Variants in GTF2H2C observed in about 807,000 individuals in gnomAD.
GTF2H2C encodes the protein general transcription factor IIH subunit 2-like protein.
In GTF2H2C, 5 loss-of-function variants were observed where a neutral mutation model predicts 24.8. The observed-to-expected ratio is 0.20, with a 90% CI of 0.11 to 0.42. GTF2H2C has a LOEUF of 0.42. GTF2H2C is among the 20% of genes least tolerant of loss of function. The probability of loss-of-function intolerance (pLI) is 1.00; values close to 1 mark genes in which losing one functional copy is unlikely to be tolerated. For synonymous variants in GTF2H2C, 14 were observed against 52.6 expected, an observed-to-expected ratio of 0.27 and a Z score of 3.18; for missense variants, 45 against 169.8, an observed-to-expected ratio of 0.27 and a Z score of 4.08.
In GTF2H2C at chr5:69,580,813, CTG is replaced by C. The variant is rs551145669; in HGVS notation, c.757+952_757+953del. On this transcript the variant is annotated intron_variant, in intron 12 of 16. Coordinates refer to ENST00000380729, the MANE Select transcript of GTF2H2C (RefSeq NM_001376000.2). ...GATGATCAAAGCTGTGTAATACAAA[CTG>C]TGCAAAGACAAAGCTTGCAGGGAAG... Among the ~76,000 whole-genome samples the C allele has an allele frequency of 4.3e-3, 644 of 148,522 alleles. 18 individuals carry two copies. Among genetic ancestry groups the C allele is most frequent in the Non-Finnish European group, 7.9e-3 (532 of 67,488 alleles).
At position 69,594,659 on chromosome 5, in the gene GTF2H2C, T is replaced by C. The variant is rs1212872318; in HGVS notation, c.*2461T>C. The C allele has an allele frequency of 1.8e-5, 2 of 112,960 alleles. No individual in the cohort carries two copies. Among genetic ancestry groups the C allele is most frequent in the African/African-American group, 6.2e-5 (2 of 32,508 alleles). 7.0% of individuals were successfully genotyped at this position (112,960 alleles called of 1,614,324 possible). ...GATGCCTTTAATACTCAGAGCATTC[T>C]ATCTCCCCCTATCTGGTTTAGAAGG... is the stretch of plus-strand genomic sequence containing the variant. On this transcript the variant is annotated 3_prime_UTR_variant, in exon 17 of 17. Transcript: ENST00000380729.
intron 9 of GTF2H2C, among the ~76,000 whole-genome samples, chr5:69,575,205 TACAG>T (rs1240326681): frequency 3.5e-5 from 1 of 28,464 alleles, no homozygotes; most frequent in Admixed American, 3.9e-4. Flanking sequence ...TTATTGCTGA[TACAG>T]ACAAAGTTTT....
intron 9 of GTF2H2C, among the ~76,000 whole-genome samples, chr5:69,573,257 C>A (rs1276547023): frequency 3.0e-5 from 4 of 132,800 alleles, no homozygotes; most frequent in Admixed American, 2.3e-4. Context: ...GTGATCTCAG[C>A]TCACTACAAC....
At chr5:69,580,871 AT>A (rs1481814186) in intron 12 of GTF2H2C, among the ~76,000 whole-genome samples, 1 of 142,574 alleles carries the variant, frequency 7.0e-6, no homozygotes, top group Non-Finnish European at 1.5e-5. Flanking sequence ...AGGGGAAATT[AT>A]TGGTTTTGGA....
rs901818916 is a variant in GTF2H2C at position 69,560,244 on chromosome 5, T to A, written c.-291T>A. The stretch of plus-strand genomic sequence containing the variant: ...CTGAGAGTCCTTCTAGCGGCGCCGG[T>A]GAGTCCGCGTGTGGAAGTCTGTGAG... On this transcript the variant is annotated 5_prime_UTR_variant, in exon 1 of 17. Coordinates refer to ENST00000380729, the MANE Select transcript of GTF2H2C (RefSeq NM_001376000.2). 6.6e-6 allele frequency: 1 copy of A among 152,184 alleles called. No homozygotes were observed. Among genetic ancestry groups the A allele is most frequent in the Admixed American group, 6.6e-5 (1 of 15,248 alleles). The allele number at this position is 152,184 out of a possible 1,614,324, so 9.4% of individuals were successfully genotyped here.
Position 69,572,511 on chromosome 5 carries a change from C to T in GTF2H2C, c.431C>T (p.Ser144Phe), listed in dbSNP as rs200619279. The T allele has an allele frequency of 4.3e-4, 677 of 1,565,924 alleles. No homozygotes were observed. Among genetic ancestry groups the T allele is most frequent in the Admixed American group, 9.6e-4 (53 of 55,058 alleles). ...GATATGACCTGCCATGGAGAGCCAT[C>T]TCTTTATAATTCCCTAAGCATGGCT... is the stretch of plus-strand genomic sequence containing the variant. ...AVDMTCHGEP[S>F]LYNSLSMAMQ... The change falls in exon 9 of 17, where the codon TCT becomes TTT. Residue 144 changes from serine (S) to phenylalanine (F), a missense_variant. Coordinates refer to ENST00000380729, the MANE Select transcript of GTF2H2C (RefSeq NM_001376000.2).
intron 2 of GTF2H2C, among the ~76,000 whole-genome samples, chr5:69,563,841 C>T (rs1320376271): frequency 1.3e-5 from 2 of 151,860 alleles, no homozygotes; most frequent in African/African-American, 2.4e-5. Flanking sequence ...GGCACGATCT[C>T]GGCTCACTGC....
chr5:69,561,800 G>A (rs565739136), intron 1 of GTF2H2C, among the ~76,000 whole-genome samples: 1 of 150,482 alleles, frequency 6.6e-6, no homozygotes, highest in African/African-American at 2.4e-5. Context: ...TCGCCACCTC[G>A]CCCAGCTAAT....
At chr5:69,589,918 C>T (rs1277022852) in intron 15 of GTF2H2C, among the ~76,000 whole-genome samples, 1 of 91,408 alleles carries the variant, frequency 1.1e-5, no homozygotes, top group Non-Finnish European at 2.0e-5. Context: ...GAGTTTTGCT[C>T]CCGTTGCTCA....
Position 69,594,565 on chromosome 5 carries a change from A to G in GTF2H2C, c.*2367A>G, listed in dbSNP as rs2112282325. 1 of 136,036 alleles carries G rather than the reference A, an allele frequency of 7.4e-6. No individual in the cohort carries two copies. The highest frequency in any genetic ancestry group is 2.6e-5 in the African/African-American group (1 of 38,404). 8.4% of individuals were successfully genotyped at this position (136,036 alleles called of 1,614,324 possible). A position where few individuals can be genotyped will look rare whatever the true frequency, so the allele number is the denominator to read the frequency against. ...CTTTATGTGGAAACAAATTTCACCT[A>G]TAGGTAACCTGGTAACTGCTATTTT... On this transcript the variant is annotated 3_prime_UTR_variant, in exon 17 of 17. Transcript: ENST00000380729.
rs1771655173 is a variant in GTF2H2C at position 69,582,350 on chromosome 5, AT to A, written c.758-12del. ...TTTGCTTGGAAAAAGAAAGTAATACATTTTCTTCTATGAAGGATTTCCTCAG... is the reference window on the plus strand; with the variant it reads ...TTTGCTTGGAAAAAGAAAGTAATACATTTCTTCTATGAAGGATTTCCTCAG... On this transcript the variant is annotated splice_polypyrimidine_tract_variant and intron_variant, in intron 12 of 16. Coordinates refer to ENST00000380729, the MANE Select transcript of GTF2H2C (RefSeq NM_001376000.2). 1.8e-6 allele frequency: 1 copy of A among 550,424 alleles called. No individual in the cohort carries two copies. Among genetic ancestry groups the A allele is most frequent in the Non-Finnish European group, 3.3e-6 (1 of 301,866 alleles). The allele number at this position is 550,424 out of a possible 1,614,324, so 34.1% of individuals were successfully genotyped here.
At position 69,590,316 on chromosome 5, in the gene GTF2H2C, CT is replaced by C. The variant is rs1357168034; in HGVS notation, c.1029-4del. 2.8e-5 allele frequency: 5 copies of C among 179,496 alleles called. No homozygotes were observed. Among genetic ancestry groups the C allele is most frequent in the African/African-American group, 5.3e-5 (1 of 19,012 alleles). The allele number at this position is 179,496 out of a possible 1,614,324, so 11.1% of individuals were successfully genotyped here. ...AATTCTAAGAAAAAACATTGTTAAA[CT>C]TTTTTTTCAGATTTTGTTATGGATG... On this transcript the variant is annotated splice_polypyrimidine_tract_variant and intron_variant, in intron 15 of 16. Coordinates refer to ENST00000380729, the MANE Select transcript of GTF2H2C (RefSeq NM_001376000.2).
At chr5:69,573,145 TACACACACACACACACACACAC>T (rs779761105) in intron 9 of GTF2H2C, among the ~76,000 whole-genome samples, 1 of 117,438 alleles carries the variant, frequency 8.5e-6, no homozygotes, top group Non-Finnish European at 1.8e-5. Flanking sequence ...CTATTATATA[TACACACACACACACACACACAC>T]ACACACACAC....
At chr5:69,562,390 G>C (rs1770424662) in intron 1 of GTF2H2C, among the ~76,000 whole-genome samples, 1 of 151,986 alleles carries the variant, frequency 6.6e-6, no homozygotes, top group African/African-American at 2.4e-5. Flanking sequence ...GATCAGCCTG[G>C]CAAGTCAGGC....
At chr5:69,564,991 C>G in intron 2 of GTF2H2C, 109 bp from the exon 3 acceptor site, 2 of 954,408 alleles carry the variant, frequency 2.1e-6, no homozygotes, top group South Asian at 3.4e-5. Context: ...ATAAGATGAC[C>G]TGGCATTCCA....
intron 2 of GTF2H2C, among the ~76,000 whole-genome samples, chr5:69,564,718 A>C (rs1372336919): frequency 4.8e-5 from 7 of 146,368 alleles, no homozygotes; most frequent in Non-Finnish European, 6.0e-5. Flanking sequence ...ATTATGAGAA[A>C]ATTGAGACAT....
chr5:69,566,201 A>C lies in GTF2H2C; in HGVS notation c.127A>C (p.Arg43=). 6.2e-7 allele frequency: 1 copy of C among 1,609,608 alleles called. No individual in the cohort carries two copies. Among genetic ancestry groups the C allele is most frequent in the Non-Finnish European group, 8.5e-7 (1 of 1,178,858 alleles). The part of the protein sequence containing the change: ...TIEDILFKAK[R]KRVFEHHGQV... ...AGAAGACATTCTATTCAAGGCAAAG[A>C]GAAAAAGGTATGTAACCTTCCTACG... Residue 43 remains arginine (R), a synonymous_variant, in exon 4 of 17, where the codon AGA becomes CGA. Coordinates refer to ENST00000380729, the MANE Select transcript of GTF2H2C (RefSeq NM_001376000.2).
At chr5:69,563,208 GTTT>G (rs372454225) in intron 2 of GTF2H2C, among the ~76,000 whole-genome samples, 4 of 107,310 alleles carry the variant, frequency 3.7e-5, no homozygotes, top group African/African-American at 1.8e-4. Context: ...ACCCGGCCTG[GTTT>G]TTTTTTTTTT....
chr5:69,573,198 T>A (rs1771180644), intron 9 of GTF2H2C, among the ~76,000 whole-genome samples: 2 of 140,432 alleles, frequency 1.4e-5, no homozygotes, highest in South Asian at 4.7e-4. Flanking sequence ...ATATATATAT[T>A]TTTTCGAGAC....
Sources: gnomAD v4.1 joint callset for allele counts (sites outside exome capture counted in the v4.1 genomes callset) on GRCh38, gnomAD v4.1.1 for gene constraint, MANE v1.5 for transcripts, NCBI Gene and HGNC (gene_info 2026-07-23, HGNC 2026-07-21) for gene names.